UBAC1: variants seen among roughly 807,000 people sequenced by gnomAD.
UBAC1 encodes ubiquitin-associated domain-containing protein 1.
UBAC1 carries 27 observed loss-of-function variants against 45.9 expected under a neutral mutation model. That is an observed-to-expected ratio of 0.59 (90% confidence interval 0.43 to 0.81). The LOEUF is 0.81. UBAC1 is among the 30% of genes least tolerant of loss of function. The pLI, the probability that UBAC1 is intolerant of heterozygous loss-of-function variation, is 0.00. For synonymous variants in UBAC1, 227 were observed against 215.5 expected, an observed-to-expected ratio of 1.05 and a Z score of -0.47; for missense variants, 529 against 539.2, an observed-to-expected ratio of 0.98 and a Z score of 0.19.
chr9:135,941,435 T>C (rs907534428), intron 7 of UBAC1, among the ~76,000 whole-genome samples: 1 of 152,240 alleles, frequency 6.6e-6, no homozygotes, highest in East Asian at 1.9e-4. Context: ...ATTTTCTATT[T>C]ATGGTCCATC....
Position 135,945,903 on chromosome 9 carries a change from G to A in UBAC1, c.639C>T (p.Ala213=). The A allele has an allele frequency of 6.2e-7, 1 of 1,614,078 alleles. No homozygotes were observed. Among genetic ancestry groups the A allele is most frequent in the Non-Finnish European group, 8.5e-7 (1 of 1,180,032 alleles). Residue 213 remains alanine (A), a synonymous_variant, in exon 6 of 10, where the codon GCC becomes GCT. Coordinates refer to ENST00000371756, the MANE Select transcript of UBAC1 (RefSeq NM_016172.3). The stretch of plus-strand genomic sequence containing the variant: ...CCCCCACGCACTGGTTCAGCTGAAG[G>A]GCCTTGGTGGCTCTGTTCTCCGGAA... ...MGFPENRATK[A]LQLNHMSVPQ...
intron 7 of UBAC1, among the ~76,000 whole-genome samples, chr9:135,941,298 C>G (rs1026419552): frequency 6.6e-6 from 1 of 152,052 alleles, no homozygotes. Context: ...CCCAGCTACT[C>G]GGGAGCCTGA....
At chr9:135,947,126 G>A (rs759040007) in intron 4 of UBAC1, among the ~76,000 whole-genome samples, 30 of 152,140 alleles carry the variant, frequency 2.0e-4, no homozygotes, top group Non-Finnish European at 3.7e-4. Context: ...GAAGCCAGCC[G>A]TCCTCCCACC....
intron 9 of UBAC1, among the ~76,000 whole-genome samples, chr9:135,937,686 C>T (rs1397382920): frequency 2.0e-5 from 3 of 152,132 alleles, no homozygotes; most frequent in Admixed American, 6.5e-5. Context: ...GCGGCCACGG[C>T]GACGGCCACA....
In UBAC1 at chr9:135,947,998, A is replaced by C. The variant is rs1013280525; in HGVS notation, c.334-93T>G. The C allele has an allele frequency of 1.5e-5, 18 of 1,202,942 alleles. No individual in the cohort carries two copies. In the African/African-American group the frequency reaches 2.6e-4, roughly 17 times the overall value. 74.5% of individuals were successfully genotyped at this position (1,202,942 alleles called of 1,614,324 possible). On this transcript the variant is annotated intron_variant, in intron 3 of 9. Transcript: ENST00000371756. ...ATCAGCGGAGCTCTGCCCAAGAAAG[A>C]CTCCGTCTCCTTTAGGAGCCAGAGG...
intron 9 of UBAC1, 76 bp from the exon 10 acceptor site, chr9:135,933,591 C>T (rs1000918696): frequency 9.7e-7 from 1 of 1,033,426 alleles, no homozygotes; most frequent in Non-Finnish European, 1.5e-6. Context: ...CTTTCCTCTT[C>T]GGCAGCTTCC....
At chr9:135,948,662 C>G (rs1036985007) in intron 3 of UBAC1, among the ~76,000 whole-genome samples, 2 of 152,192 alleles carry the variant, frequency 1.3e-5, no homozygotes, top group Non-Finnish European at 2.9e-5. Context: ...ACAGGGAGAC[C>G]CAGTGGCAGG....
chr9:135,950,607 C>T (rs1013089524), intron 3 of UBAC1, among the ~76,000 whole-genome samples: 1 of 152,198 alleles, frequency 6.6e-6, no homozygotes, highest in African/African-American at 2.4e-5. Flanking sequence ...CTGAAAACCA[C>T]ACTTCAATTA....
intron 7 of UBAC1, among the ~76,000 whole-genome samples, chr9:135,941,304 C>A (rs1017570311): frequency 6.6e-6 from 1 of 151,966 alleles, no homozygotes; most frequent in Admixed American, 6.6e-5. Flanking sequence ...TACTCGGGAG[C>A]CTGAGGCAGG....
At position 135,946,343 on chromosome 9, in the gene UBAC1, A is replaced by C. The variant is rs973208934; in HGVS notation, c.470T>G (p.Val157Gly). Reference sequence around the variant, plus strand: ...CTTCTGCGCCACCTCGATGAGAGACACCAGTATCTTCCGGAGTTCTGTCTG... The same window carrying C: ...CTTCTGCGCCACCTCGATGAGAGACCCCAGTATCTTCCGGAGTTCTGTCTG... ...DFQTELRKIL[V>G]SLIEVAQKLL... Residue 157 changes from valine (V) to glycine (G), a missense_variant, in exon 5 of 10, where the codon GTG becomes GGG. Val to Gly is a moderately radical substitution (Grantham distance 109). Coordinates refer to ENST00000371756, the MANE Select transcript of UBAC1 (RefSeq NM_016172.3). The C allele has an allele frequency of 6.2e-7, 1 of 1,613,754 alleles. No homozygotes were observed. The highest frequency in any genetic ancestry group is 1.3e-5 in the African/African-American group (1 of 74,938).
rs367633101 is a variant in UBAC1 at position 135,946,009 on chromosome 9, C to G, written c.545-12G>C. 1.2e-6 allele frequency: 2 copies of G among 1,611,976 alleles called. No homozygotes were observed. The highest frequency in any genetic ancestry group is 1.7e-6 in the Non-Finnish European group (2 of 1,179,202). On this transcript the variant is annotated splice_polypyrimidine_tract_variant and intron_variant, in intron 5 of 9. Transcript: ENST00000371756. ...CTCGTCCAGCATTGCTGCAGGGAGA[C>G]GACAGGGCCATGAGGGCTCCAGCCT... is the stretch of plus-strand genomic sequence containing the variant.
At chr9:135,946,157 C>G (rs1453822829) in intron 5 of UBAC1, 112 bp downstream of exon 5, 2 of 1,027,500 alleles carry the variant, frequency 1.9e-6, no homozygotes, top group Non-Finnish European at 3.0e-6. Context: ...CCCTCATCAG[C>G]GCTTCCATAA....
chr9:135,956,103 C>T (rs528390335), intron 1 of UBAC1, among the ~76,000 whole-genome samples: 12 of 152,296 alleles, frequency 7.9e-5, no homozygotes, highest in South Asian at 6.2e-4. Flanking sequence ...GGGCAGGGAA[C>T]GGGAGGCAAC....
At chr9:135,937,500 T>C (rs946454300) in intron 9 of UBAC1, among the ~76,000 whole-genome samples, 4 of 148,876 alleles carry the variant, frequency 2.7e-5, no homozygotes, top group Non-Finnish European at 4.4e-5. Context: ...CAACGAGCCC[T>C]GGGTTCCCAG....
Position 135,961,060 on chromosome 9 carries a change from AGGTGTCCTC to A in UBAC1, c.94_102del (p.Glu32_Thr34del). On this transcript the variant is annotated inframe_deletion, in exon 1 of 10. Coordinates refer to ENST00000371756, the MANE Select transcript of UBAC1 (RefSeq NM_016172.3). Reference sequence around the variant, plus strand: ...CAGCGCTCCTTGAGCTTCTCCACCGAGGTGTCCTCGGTGGCCTCCTCCAGCCACTCGGCG... The same window carrying A: ...CAGCGCTCCTTGAGCTTCTCCACCGAGGTGGCCTCCTCCAGCCACTCGGCG... 6.3e-7 allele frequency: 1 copy of A among 1,579,892 alleles called. No homozygotes were observed. Among genetic ancestry groups the A allele is most frequent in the Non-Finnish European group, 8.6e-7 (1 of 1,168,792 alleles).
At chr9:135,949,274 C>A (rs1204106102) in intron 3 of UBAC1, among the ~76,000 whole-genome samples, 1 of 152,078 alleles carries the variant, frequency 6.6e-6, no homozygotes, top group Admixed American at 6.6e-5. Flanking sequence ...ATCAAGGAAT[C>A]CCTCAGAAAA....
intron 7 of UBAC1, among the ~76,000 whole-genome samples, chr9:135,941,705 G>T (rs760049030): frequency 7.0e-6 from 1 of 143,596 alleles, no homozygotes; most frequent in African/African-American, 2.5e-5. Flanking sequence ...TGGGGGCAAA[G>T]ACTTGCTTGT....
At chr9:135,947,555 G>A (rs956639766) in intron 4 of UBAC1, 21 of 431,388 alleles carry the variant, frequency 4.9e-5, no homozygotes, top group African/African-American at 3.1e-4. Flanking sequence ...CCGGATTGAC[G>A]TTTTCCCAGG....
chr9:135,959,953 T>C (rs1451958332), intron 1 of UBAC1, among the ~76,000 whole-genome samples: 2 of 152,174 alleles, frequency 1.3e-5, no homozygotes, highest in East Asian at 3.9e-4. Context: ...CTTGCCAAGC[T>C]TGCCTCTGAC....
Sources: allele counts gnomAD v4.1 joint callset (sites outside exome capture counted in the v4.1 genomes callset), GRCh38; gene constraint gnomAD v4.1.1; transcripts MANE v1.5; gene names NCBI Gene and HGNC (gene_info 2026-07-23, HGNC 2026-07-21).